The following CDC73 variants were observed in gnomAD, a reference collection of about 807,000 sequenced individuals.
The protein encoded by CDC73 is cell division cycle 73.
In CDC73, 21 loss-of-function variants were observed where a neutral mutation model predicts 83.7. The observed-to-expected ratio is 0.25, with a 90% CI of 0.18 to 0.36. The LOEUF is 0.36. Ranked by LOEUF, CDC73 falls within the 10% of genes least tolerant of loss-of-function variation. The pLI, the probability that CDC73 is intolerant of heterozygous loss-of-function variation, is 1.00. For synonymous variants in CDC73, 224 were observed against 212.9 expected, an observed-to-expected ratio of 1.05 and a Z score of -0.45; for missense variants, 342 against 653.3, an observed-to-expected ratio of 0.52 and a Z score of 5.19.
chr1:193,164,423 A>G (rs1232057993), intron 10 of CDC73, among the ~76,000 whole-genome samples: 3 of 152,158 alleles, frequency 2.0e-5, no homozygotes, highest in Non-Finnish European at 4.4e-5. Flanking sequence ...GATTCATTTT[A>G]ATTAAGCTTA....
chr1:193,187,843 ATT>A lies in CDC73; in HGVS notation c.973-15949_973-15948del, dbSNP rs556432521. On this transcript the variant is annotated intron_variant, in intron 10 of 16. Transcript: ENST00000367435. ...GAAGGATCGTTAAAGAAAAAAAAGAATTTTATAAATAGGAAACCTAAAGCCTA... is the reference window on the plus strand; with the variant it reads ...GAAGGATCGTTAAAGAAAAAAAAGAATTATAAATAGGAAACCTAAAGCCTA... Among the ~76,000 whole-genome samples, 142 of 152,258 alleles carry A rather than the reference ATT, an allele frequency of 9.3e-4. 1 individual carries two copies. Among genetic ancestry groups the A allele is most frequent in the African/African-American group, 3.2e-3 (132 of 41,574 alleles).
At chr1:193,195,636 T>A (rs974496364) in intron 10 of CDC73, among the ~76,000 whole-genome samples, 1 of 152,246 alleles carries the variant, frequency 6.6e-6, no homozygotes, top group African/African-American at 2.4e-5. Flanking sequence ...GAATTCCAAT[T>A]TCTCCATCTT....
chr1:193,228,553 A>G (rs1185368479), intron 13 of CDC73, among the ~76,000 whole-genome samples: 5 of 152,176 alleles, frequency 3.3e-5, no homozygotes, highest in African/African-American at 4.8e-5. Flanking sequence ...AAAGACATCA[A>G]TGCAATTCAA....
chr1:193,211,174 A>G (rs1206505244), intron 11 of CDC73, among the ~76,000 whole-genome samples: 1 of 152,182 alleles, frequency 6.6e-6, no homozygotes, highest in African/African-American at 2.4e-5. Context: ...CCCAGCGGAT[A>G]CCTGAAACCA....
intron 10 of CDC73, among the ~76,000 whole-genome samples, chr1:193,195,704 A>G (rs78793549): frequency 1.6e-3 from 246 of 152,274 alleles, no homozygotes; most frequent in African/African-American, 5.7e-3. Flanking sequence ...TAACCATTCA[A>G]ATGTATTTGA....
At chr1:193,199,029 G>A (rs1185218385) in intron 10 of CDC73, among the ~76,000 whole-genome samples, 3 of 152,156 alleles carry the variant, frequency 2.0e-5, no homozygotes, top group African/African-American at 7.2e-5. Context: ...AAATTTTATA[G>A]CCCTTTATCT....
chr1:193,130,360 C>A, intron 3 of CDC73, 117 bp downstream of exon 3: 2 of 740,000 alleles, frequency 2.7e-6, no homozygotes, highest in Non-Finnish European at 4.8e-6. Flanking sequence ...AACCTACCTT[C>A]ATTTTTGTCC....
intron 10 of CDC73, among the ~76,000 whole-genome samples, chr1:193,198,892 A>G (rs1191753026): frequency 3.3e-5 from 5 of 152,232 alleles, no homozygotes; most frequent in Admixed American, 2.6e-4. Context: ...TACAATAGAT[A>G]CAACATCTAC....
rs548106852 is a variant in CDC73 at position 193,251,768 on chromosome 1, A to G, written c.*1056A>G. Reference sequence around the variant, plus strand: ...TTTTAACTTAGTGAAATATTTTACTATTTCTCTACTTCAGACAAAATGTTG... The same window carrying G: ...TTTTAACTTAGTGAAATATTTTACTGTTTCTCTACTTCAGACAAAATGTTG... On this transcript the variant is annotated 3_prime_UTR_variant, in exon 17 of 17. Transcript: ENST00000367435. The G allele has an allele frequency of 4.7e-5, 11 of 231,700 alleles. No homozygotes were observed. Among genetic ancestry groups the G allele is most frequent in the Admixed American group, 2.3e-4 (4 of 17,676 alleles). The allele number at this position is 231,700 out of a possible 1,614,324, so 14.4% of individuals were successfully genotyped here. A position where few individuals can be genotyped will look rare whatever the true frequency, so the allele number is the denominator to read the frequency against.
chr1:193,242,012 C>T (rs906567800), intron 15 of CDC73, among the ~76,000 whole-genome samples: 2 of 151,912 alleles, frequency 1.3e-5, no homozygotes, highest in African/African-American at 4.8e-5. Flanking sequence ...GAGAATCTGT[C>T]CTCAGGGTGC....
chr1:193,240,676 C>G (rs951365179), intron 15 of CDC73, among the ~76,000 whole-genome samples: 1 of 152,050 alleles, frequency 6.6e-6, no homozygotes, highest in Non-Finnish European at 1.5e-5. Flanking sequence ...AATTTCTGTT[C>G]ATGTCCTTTG....
At chr1:193,146,442 A>G (rs939332692) in intron 7 of CDC73, among the ~76,000 whole-genome samples, 1 of 152,052 alleles carries the variant, frequency 6.6e-6, no homozygotes, top group Non-Finnish European at 1.5e-5. Context: ...TAGCAGTGGC[A>G]TCTGGTGAGG....
chr1:193,124,477 T>C (rs1017920281), intron 1 of CDC73, among the ~76,000 whole-genome samples: 5 of 152,132 alleles, frequency 3.3e-5, no homozygotes, highest in African/African-American at 1.2e-4. Context: ...TTCAAAGATA[T>C]AGAAGGGGAA....
At chr1:193,138,290 T>C in intron 6 of CDC73, 117 bp downstream of exon 6, 1 of 763,480 alleles carries the variant, frequency 1.3e-6, no homozygotes, top group South Asian at 1.4e-5. Context: ...ATTTTATGCC[T>C]CTTTGCTCTT....
chr1:193,253,412 G>T lies in CDC73; in HGVS notation c.*2700G>T, dbSNP rs564048660. 1.5e-4 allele frequency: 34 copies of T among 230,472 alleles called. No individual in the cohort carries two copies. Among genetic ancestry groups the T allele is most frequent in the South Asian group, 3.6e-4 (2 of 5,500 alleles). The allele number at this position is 230,472 out of a possible 1,614,324, so 14.3% of individuals were successfully genotyped here. A position where few individuals can be genotyped will look rare whatever the true frequency, so the allele number is the denominator to read the frequency against. ...ATGTATGTGTGGTTTTTGATTTTTT[G>T]TTGTTGTTGTTGTTTTGTGGCCACC... On this transcript the variant is annotated 3_prime_UTR_variant, in exon 17 of 17. Coordinates refer to ENST00000367435, the MANE Select transcript of CDC73 (RefSeq NM_024529.5).
chr1:193,145,902 C>A (rs553023333), intron 7 of CDC73, among the ~76,000 whole-genome samples: 1 of 152,304 alleles, frequency 6.6e-6, no homozygotes, highest in East Asian at 1.9e-4. Flanking sequence ...CTAGCTCTCA[C>A]AGAAGTTATA....
chr1:193,155,032 A>G (rs1415906018), intron 10 of CDC73, among the ~76,000 whole-genome samples: 1 of 152,248 alleles, frequency 6.6e-6, no homozygotes, highest in Non-Finnish European at 1.5e-5. Context: ...CATAGTTAAT[A>G]AAATTAGGAT....
At chr1:193,176,031 A>G (rs140879983) in intron 10 of CDC73, among the ~76,000 whole-genome samples, 1 of 152,316 alleles carries the variant, frequency 6.6e-6, no homozygotes, top group African/African-American at 2.4e-5. Flanking sequence ...TCAGAAGACA[A>G]ACAGATCCCT....
intron 10 of CDC73, among the ~76,000 whole-genome samples, chr1:193,176,147 A>G (rs1676598692): frequency 6.6e-6 from 1 of 152,188 alleles, no homozygotes; most frequent in Admixed American, 6.5e-5. Flanking sequence ...CTAGGCTCAG[A>G]CAACATTTTG....
Sources: gnomAD v4.1 joint callset for allele counts (sites outside exome capture counted in the v4.1 genomes callset) on GRCh38, gnomAD v4.1.1 for gene constraint, MANE v1.5 for transcripts, NCBI Gene and HGNC (gene_info 2026-07-23, HGNC 2026-07-21) for gene names.